Variants in NPR3 observed in about 807,000 individuals in gnomAD.
The protein encoded by NPR3 is atrial natriuretic peptide receptor 3.
NPR3 carries 34 observed loss-of-function variants against 54.5 expected under a neutral mutation model. That is an observed-to-expected ratio of 0.62 (90% CI 0.47 to 0.83). The LOEUF is 0.83. Ranked by LOEUF, NPR3 falls within the 40% of genes least tolerant of loss-of-function variation. The pLI is 0.00. For synonymous variants in NPR3, 289 were observed against 297.1 expected, an observed-to-expected ratio of 0.97 and a Z score of 0.28; for missense variants, 674 against 720.8, an observed-to-expected ratio of 0.94 and a Z score of 0.74.
Position 32,786,366 on chromosome 5 carries a change from T to C in NPR3, c.*21T>C. On this transcript the variant is annotated 3_prime_UTR_variant, in exon 8 of 8. Coordinates refer to ENST00000265074, the MANE Select transcript of NPR3 (RefSeq NM_001204375.2). ...CTTAAAGGAAGCCCCCCACTTTTTTTTTTTCTGCCTGAGATTCTTTAAGGA... is the reference window on the plus strand; with the variant it reads ...CTTAAAGGAAGCCCCCCACTTTTTTCTTTTCTGCCTGAGATTCTTTAAGGA... 1.0e-6 allele frequency: 1 copy of C among 995,390 alleles called. No homozygotes were observed. The highest frequency in any genetic ancestry group is 1.6e-6 in the Non-Finnish European group (1 of 636,456). 61.7% of individuals were successfully genotyped at this position (995,390 alleles called of 1,614,324 possible). A position where few individuals can be genotyped will look rare whatever the true frequency, so the allele number is the denominator to read the frequency against.
chr5:32,760,125 GT>G (rs202240206), intron 3 of NPR3, among the ~76,000 whole-genome samples: 16,421 of 145,864 alleles, frequency 0.11, 980 homozygotes, highest in South Asian at 0.21. Flanking sequence ...GTTGATGGAT[GT>G]TTTTTTTTTT....
Position 32,789,887 on chromosome 5 carries a change from T to A in NPR3, c.*3542T>A. On this transcript the variant is annotated 3_prime_UTR_variant, in exon 8 of 8. Coordinates refer to ENST00000265074, the MANE Select transcript of NPR3 (RefSeq NM_001204375.2). ...CTTTGGGAGATCAAATAGAGTATTA[T>A]GCCACTGTGAGTGTTTATAAACTGG... 1 of 418,436 alleles carries A rather than the reference T, an allele frequency of 2.4e-6. No homozygotes were observed. Among genetic ancestry groups the A allele is most frequent in the Non-Finnish European group, 4.9e-6 (1 of 205,284 alleles). 25.9% of individuals were successfully genotyped at this position (418,436 alleles called of 1,614,324 possible). A position where few individuals can be genotyped will look rare whatever the true frequency, so the allele number is the denominator to read the frequency against.
chr5:32,752,873 T>C (rs1287649357), intron 3 of NPR3, among the ~76,000 whole-genome samples: 1 of 152,218 alleles, frequency 6.6e-6, no homozygotes, highest in African/African-American at 2.4e-5. Context: ...CTAAAAAATA[T>C]ACATTACTCC....
intron 3 of NPR3, among the ~76,000 whole-genome samples, chr5:32,757,404 CT>C (rs1478931133): frequency 1.3e-5 from 2 of 151,852 alleles, no homozygotes; most frequent in African/African-American, 4.8e-5. Flanking sequence ...GGCTATTTGT[CT>C]GTTATTGGTG....
chr5:32,701,285 G>C (rs115062858), intron 1 of NPR3, among the ~76,000 whole-genome samples: 2,116 of 152,204 alleles, frequency 0.014, 43 homozygotes, highest in African/African-American at 0.048. Flanking sequence ...CACTTCTGCT[G>C]TTAAGAGACT....
intron 1 of NPR3, among the ~76,000 whole-genome samples, chr5:32,720,690 A>G (rs1444400271): frequency 6.6e-6 from 1 of 152,186 alleles, no homozygotes; most frequent in South Asian, 2.1e-4. Flanking sequence ...TAATATTTAT[A>G]TATTAACTAT....
At position 32,753,190 on chromosome 5, in the gene NPR3, A is replaced by G. The variant is rs190968448; in HGVS notation, c.1059+14160A>G. Among the ~76,000 whole-genome samples, 320 of 152,230 alleles carry G rather than the reference A, an allele frequency of 2.1e-3. 1 individual carries two copies. The highest frequency in any genetic ancestry group is 7.3e-3 in the African/African-American group (304 of 41,534). On this transcript the variant is annotated intron_variant, in intron 3 of 7. Coordinates refer to ENST00000265074, the MANE Select transcript of NPR3 (RefSeq NM_001204375.2). The stretch of plus-strand genomic sequence containing the variant: ...AGGTAGTCACTGTTTTTTTTCCATT[A>G]TGTGTGGTAATGTAATTAATTTCAG...
intron 2 of NPR3, among the ~76,000 whole-genome samples, chr5:32,732,201 A>G (rs1739495136): frequency 7.4e-6 from 1 of 134,520 alleles, no homozygotes; most frequent in Non-Finnish European, 1.5e-5. Context: ...AGATTGCGCC[A>G]CTGCAGTCCG....
intron 2 of NPR3, among the ~76,000 whole-genome samples, chr5:32,729,254 C>T (rs1322674490): frequency 6.6e-6 from 1 of 151,938 alleles, no homozygotes; most frequent in Non-Finnish European, 1.5e-5. Flanking sequence ...TGGTCTCGAT[C>T]TCCTGACCTC....
At chr5:32,753,620 C>T in intron 3 of NPR3, among the ~76,000 whole-genome samples, 1 of 139,158 alleles carries the variant, frequency 7.2e-6, no homozygotes, top group South Asian at 2.3e-4. Context: ...AGGGTCTCAG[C>T]ATCCTTTTTT....
At chr5:32,777,228 G>A (rs1742100235) in intron 4 of NPR3, among the ~76,000 whole-genome samples, 1 of 152,178 alleles carries the variant, frequency 6.6e-6, no homozygotes, top group African/African-American at 2.4e-5. Flanking sequence ...CTGTTTAAAA[G>A]GGGTCCTTAT....
At chr5:32,783,657 T>A (rs1167305920) in intron 6 of NPR3, 4 of 152,218 alleles carry the variant, frequency 2.6e-5, no homozygotes, top group African/African-American at 9.6e-5. Context: ...TTTGAAAATA[T>A]CTTTTAAACT....
chr5:32,757,528 C>A (rs768493076), intron 3 of NPR3, among the ~76,000 whole-genome samples: 3 of 152,194 alleles, frequency 2.0e-5, no homozygotes, highest in Non-Finnish European at 2.9e-5. Flanking sequence ...TCTAAATATA[C>A]AGTCATGTCA....
upstream of NPR3, chr5:32,710,855 C>A: frequency 8.8e-7 from 1 of 1,132,608 alleles, no homozygotes; most frequent in African/African-American, 2.7e-5. Flanking sequence ...TTCCCCCAGT[C>A]CTGGTTTTTT....
rs1742922041 is a variant in NPR3 at position 32,791,716 on chromosome 5, G to A, written c.*5371G>A. 1 of 164,738 alleles carries A rather than the reference G, an allele frequency of 6.1e-6. No individual in the cohort carries two copies. Among genetic ancestry groups the A allele is most frequent in the Non-Finnish European group, 1.5e-5 (1 of 68,082 alleles). The allele number at this position is 164,738 out of a possible 1,614,324, so 10.2% of individuals were successfully genotyped here. On this transcript the variant is annotated 3_prime_UTR_variant, in exon 8 of 8. Coordinates refer to ENST00000265074, the MANE Select transcript of NPR3 (RefSeq NM_001204375.2). ...GTTCTCATTAAAAAATACATCCCACGGAAACCTCTTCCTGTTTATAATTCA... is the reference window on the plus strand; with the variant it reads ...GTTCTCATTAAAAAATACATCCCACAGAAACCTCTTCCTGTTTATAATTCA...
Position 32,787,929 on chromosome 5 carries a change from G to C in NPR3, c.*1584G>C, listed in dbSNP as rs1035282033. The C allele has an allele frequency of 6.6e-6, 1 of 152,164 alleles. No individual in the cohort carries two copies. The highest frequency in any genetic ancestry group is 2.4e-5 in the African/African-American group (1 of 41,424). 9.4% of individuals were successfully genotyped at this position (152,164 alleles called of 1,614,324 possible). ...AAATTGTCTTAATATCTATTAAAAG[G>C]CATGTCTAGTGAGGAAACAGGAGAG... On this transcript the variant is annotated 3_prime_UTR_variant, in exon 8 of 8. Transcript: ENST00000265074.
Position 32,791,484 on chromosome 5 carries a change from T to A in NPR3, c.*5139T>A, listed in dbSNP as rs187004845. The stretch of plus-strand genomic sequence containing the variant: ...TGTACAACTAACTATTTGCATATAA[T>A]GTGATTTAATTTATTGCTGTTTTGT... On this transcript the variant is annotated 3_prime_UTR_variant, in exon 8 of 8. Coordinates refer to ENST00000265074, the MANE Select transcript of NPR3 (RefSeq NM_001204375.2). 1.1e-4 allele frequency: 18 copies of A among 167,246 alleles called. No individual in the cohort carries two copies. Among genetic ancestry groups the A allele is most frequent in the Admixed American group, 1.0e-3 (16 of 15,308 alleles). The allele number at this position is 167,246 out of a possible 1,614,324, so 10.4% of individuals were successfully genotyped here. A position where few individuals can be genotyped will look rare whatever the true frequency, so the allele number is the denominator to read the frequency against.
Position 32,711,816 on chromosome 5 carries a change from C to T in NPR3, c.40C>T (p.Leu14=). The change falls in exon 1 of 8, where the codon CTA becomes TTA. Residue 14 remains leucine, a synonymous_variant. Transcript: ENST00000265074. ...GGTGCTCACTTTCTCCCCGTGCGTA[C>T]TACTCGGCTGGGCGTTGCTGGCCGG... is the stretch of plus-strand genomic sequence containing the variant. ...LLVLTFSPCV[L]LGWALLAGGT... 1.4e-6 allele frequency: 2 copies of T among 1,454,890 alleles called. No homozygotes were observed. The highest frequency in any genetic ancestry group is 1.5e-5 in the South Asian group (1 of 67,436). The allele number at this position is 1,454,890 out of a possible 1,614,324, so 90.1% of individuals were successfully genotyped here.
chr5:32,742,850 A>G (rs1740105605), intron 3 of NPR3, among the ~76,000 whole-genome samples: 1 of 152,194 alleles, frequency 6.6e-6, no homozygotes. Context: ...AGGTTTGTAT[A>G]ATGTAGGTTA....
Sources: gnomAD v4.1 joint callset for allele counts (sites outside exome capture counted in the v4.1 genomes callset) on GRCh38, gnomAD v4.1.1 for gene constraint, MANE v1.5 for transcripts, NCBI Gene and HGNC (gene_info 2026-07-23, HGNC 2026-07-21) for gene names.